CBLN2: variants seen among roughly 807,000 people sequenced by gnomAD.
The protein encoded by CBLN2 is cerebellin-2.
In CBLN2, 7 loss-of-function variants were observed where a neutral mutation model predicts 15.0. That is an observed-to-expected ratio of 0.47 (90% CI 0.27 to 0.88). CBLN2 has a LOEUF of 0.88. Among genes scored for constraint, CBLN2 ranks in the 40% least tolerant of loss-of-function variants. CBLN2 has a pLI of 0.14. For synonymous variants in CBLN2, 149 were observed against 135.2 expected (o/e 1.10, Z -0.71); for missense variants, 242 against 304.5 (o/e 0.79, Z 1.53).
chr18:72,605,051 G>T (rs2069574340), intron 1 of CBLN2, among the ~76,000 whole-genome samples: 1 of 152,142 alleles, frequency 6.6e-6, no homozygotes, highest in Non-Finnish European at 1.5e-5. Context: ...CCTCCATTTT[G>T]TATCTAATTT....
intron 1 of CBLN2, among the ~76,000 whole-genome samples, chr18:72,587,031 G>C (rs2069448396): frequency 6.6e-6 from 1 of 151,382 alleles, no homozygotes; most frequent in African/African-American, 2.4e-5. Flanking sequence ...TTTTTTATAT[G>C]GAAATCAAAA....
At chr18:72,627,566 C>A (rs1442953843) in intron 1 of CBLN2, among the ~76,000 whole-genome samples, 1 of 152,170 alleles carries the variant, frequency 6.6e-6, no homozygotes, top group African/African-American at 2.4e-5. Flanking sequence ...TGTGCTTCAC[C>A]AAATCCCAGT....
chr18:72,546,503 A>C (rs1171797456), upstream of CBLN2, among the ~76,000 whole-genome samples: 2 of 152,190 alleles, frequency 1.3e-5, no homozygotes, highest in Non-Finnish European at 2.9e-5. Flanking sequence ...TATGCTTAGA[A>C]ATTTTTTAAG....
At chr18:72,623,263 C>T (rs769241938) in intron 1 of CBLN2, among the ~76,000 whole-genome samples, 1 of 152,152 alleles carries the variant, frequency 6.6e-6, no homozygotes, top group Non-Finnish European at 1.5e-5. Context: ...GATGGGGACA[C>T]AAATCCAAAC....
chr18:72,539,740 G>A (rs1343194743), intron 3 of CBLN2: 1 of 151,796 alleles, frequency 6.6e-6, no homozygotes, highest in East Asian at 1.9e-4. Context: ...CACAGACTCT[G>A]GCCACTTTGT....
In CBLN2 at chr18:72,559,226, CA is replaced by C. The variant is rs540064045; in HGVS notation, c.16-20455del. On this transcript the variant is annotated intron_variant, in intron 1 of 2. Transcript: ENST00000581073. The stretch of plus-strand genomic sequence containing the variant: ...AATGCACTTGATGTTTTGTGACCTG[CA>C]ATACAATTAACCAATCAGCAGTGGG... Among the ~76,000 whole-genome samples the C allele has an allele frequency of 5.3e-5, 8 of 152,318 alleles. No individual in the cohort carries two copies. In the East Asian group the frequency reaches 1.2e-3, roughly 22 times the overall value.
chr18:72,609,810 G>A (rs1371430825), intron 1 of CBLN2, among the ~76,000 whole-genome samples: 2 of 152,194 alleles, frequency 1.3e-5, no homozygotes, highest in African/African-American at 4.8e-5. Context: ...GTCTTCCCAT[G>A]AATGGAAATC....
At chr18:72,580,106 T>C (rs1301927193) in intron 1 of CBLN2, among the ~76,000 whole-genome samples, 2 of 151,792 alleles carry the variant, frequency 1.3e-5, no homozygotes, top group Non-Finnish European at 2.9e-5. Context: ...AATATATATA[T>C]ATATACAAGA....
intron 1 of CBLN2, among the ~76,000 whole-genome samples, chr18:72,608,059 G>GT (rs948110342): frequency 8.6e-5 from 13 of 151,706 alleles, no homozygotes; most frequent in African/African-American, 2.9e-4. Context: ...TATCTGTAAG[G>GT]TTTTTTTTCT....
chr18:72,579,228 A>G (rs2069387555), intron 1 of CBLN2, among the ~76,000 whole-genome samples: 1 of 152,242 alleles, frequency 6.6e-6, no homozygotes, highest in Non-Finnish European at 1.5e-5. Flanking sequence ...TCACTCTGAC[A>G]TGAATAAGAA....
Position 72,543,712 on chromosome 18 carries a change from G to A in CBLN2, c.-211-182C>T, listed in dbSNP as rs1227520827. Among the ~76,000 whole-genome samples the A allele has an allele frequency of 6.6e-6, 1 of 151,718 alleles. No homozygotes were observed. Among genetic ancestry groups the A allele is most frequent in the Non-Finnish European group, 1.5e-5 (1 of 67,900 alleles). ...GCTTAGGCGCCGCGCCCGGGACCGG[G>A]AACCCCGCGTCTCGCCCGGCTCAGC... On this transcript the variant is annotated intron_variant, in intron 1 of 4. Transcript: ENST00000269503. The surrounding 1 kb of genome is among the most constrained non-coding windows in gnomAD (Gnocchi z 6.8).
chr18:72,587,274 A>G (rs549224985), intron 1 of CBLN2, among the ~76,000 whole-genome samples: 12 of 152,208 alleles, frequency 7.9e-5, no homozygotes, highest in African/African-American at 2.6e-4. Context: ...ATTTGAATAC[A>G]TGTATTGATT....
Position 72,578,986 on chromosome 18 carries a change from A to C in CBLN2, c.16-40214T>G, listed in dbSNP as rs142228001. ...CACAATCTGTGTCACTATCTCTCTG[A>C]GATGGAGCTGTCCTACTGTCACCAA... is the stretch of plus-strand genomic sequence containing the variant. On this transcript the variant is annotated intron_variant, in intron 1 of 2. Coordinates refer to the CBLN2 transcript ENST00000581073. Among the ~76,000 whole-genome samples the C allele has an allele frequency of 1.4e-4, 21 of 152,270 alleles. 1 individual carries two copies. In the East Asian group the frequency reaches 4.1e-3, roughly 29 times the overall value.
At chr18:72,576,811 T>C (rs1479792387) in intron 1 of CBLN2, among the ~76,000 whole-genome samples, 1 of 151,030 alleles carries the variant, frequency 6.6e-6, no homozygotes, top group Non-Finnish European at 1.5e-5. Context: ...CAAAACTCCA[T>C]ATGTAAAAAA....
intron 1 of CBLN2, among the ~76,000 whole-genome samples, chr18:72,585,135 C>A (rs184795989): frequency 1.4e-4 from 22 of 152,346 alleles, no homozygotes; most frequent in Admixed American, 3.3e-4. Context: ...GGTGTCACAG[C>A]CCTGGCTCAC....
At chr18:72,565,628 G>T (rs1396791801) in intron 1 of CBLN2, among the ~76,000 whole-genome samples, 1 of 152,006 alleles carries the variant, frequency 6.6e-6, no homozygotes, top group Non-Finnish European at 1.5e-5. Context: ...CACATAAAAG[G>T]TACAGTAGTT....
intron 1 of CBLN2, among the ~76,000 whole-genome samples, chr18:72,610,917 A>G (rs1283705931): frequency 1.3e-5 from 2 of 152,006 alleles, no homozygotes; most frequent in Non-Finnish European, 2.9e-5. Context: ...AGTAATCCCC[A>G]GTTTCTGTTA....
At chr18:72,618,192 T>C (rs945983121) in intron 1 of CBLN2, 4 of 189,350 alleles carry the variant, frequency 2.1e-5, no homozygotes, top group African/African-American at 9.3e-5. Context: ...ATGAGATCTC[T>C]TTGCCAGCTT....
Position 72,604,567 on chromosome 18 carries a change from A to G in CBLN2, c.15+33758T>C, listed in dbSNP as rs1331764016. Among the ~76,000 whole-genome samples the G allele has an allele frequency of 2.0e-5, 3 of 152,204 alleles. No individual in the cohort carries two copies. In the East Asian group the frequency reaches 5.8e-4, roughly 29 times the overall value. ...AACTCGTGTTGAAATTTAATACCCAATGTGGCAGTATAGAGAGGGGGGCCT... is the reference window on the plus strand; with the variant it reads ...AACTCGTGTTGAAATTTAATACCCAGTGTGGCAGTATAGAGAGGGGGGCCT... On this transcript the variant is annotated intron_variant, in intron 1 of 2. Transcript: ENST00000581073.
Sources: allele counts gnomAD v4.1 joint callset (sites outside exome capture counted in the v4.1 genomes callset), GRCh38; gene constraint gnomAD v4.1.1; non-coding constraint Gnocchi (gnomAD v3.1); transcripts MANE v1.5; gene names NCBI Gene and HGNC (gene_info 2026-07-23, HGNC 2026-07-21).